GRIP1: variants seen among roughly 807,000 people sequenced by gnomAD.
GRIP1 encodes glutamate receptor-interacting protein 1.
A neutral mutation model predicts 129.9 loss-of-function variants in GRIP1; 45 were observed. That is an observed-to-expected ratio of 0.35 (90% CI 0.27 to 0.44). The LOEUF (loss-of-function observed/expected upper bound fraction) is 0.44, where lower values mean the gene tolerates loss of function less well. GRIP1 is among the 20% of genes least tolerant of loss of function. The probability of loss-of-function intolerance (pLI) is 1.00; values close to 1 mark genes in which losing one functional copy is unlikely to be tolerated. For missense variants in GRIP1, 1,196 were observed against 1,396.8 expected (o/e 0.86, Z 2.29); for synonymous variants, 530 against 520.8 (o/e 1.02, Z -0.24).
intron 7 of GRIP1, among the ~76,000 whole-genome samples, chr12:66,485,958 CTCTGT>C (rs1201691806): frequency 6.6e-6 from 1 of 151,956 alleles, no homozygotes; most frequent in Non-Finnish European, 1.5e-5. Flanking sequence ...TTTCTGGACA[CTCTGT>C]TCTGTTTGTC....
chr12:66,769,628 T>C (rs1481199009), intron 1 of GRIP1, among the ~76,000 whole-genome samples: 3 of 152,114 alleles, frequency 2.0e-5, no homozygotes, highest in Non-Finnish European at 4.4e-5. Context: ...AAAGTCTGTG[T>C]ATCCTGAGCA....
At chr12:66,822,046 TTC>T (rs1350157800) in intron 1 of GRIP1, among the ~76,000 whole-genome samples, 4 of 151,726 alleles carry the variant, frequency 2.6e-5, no homozygotes, top group Non-Finnish European at 5.9e-5. Context: ...GTATGTGTGT[TTC>T]TTTCTTTTCA....
chr12:66,543,626 C>A (rs1328076286), intron 2 of GRIP1, among the ~76,000 whole-genome samples: 2 of 152,072 alleles, frequency 1.3e-5, no homozygotes, highest in African/African-American at 4.8e-5. Flanking sequence ...AATAAACAAT[C>A]CCTCTAAACC....
At chr12:66,744,558 T>C (rs571860868) in intron 1 of GRIP1, among the ~76,000 whole-genome samples, 30 of 152,300 alleles carry the variant, frequency 2.0e-4, no homozygotes, top group African/African-American at 7.2e-4. Context: ...TAATAGTTCC[T>C]GATTGTGAAG....
chr12:66,787,728 C>T (rs533089287), intron 1 of GRIP1, among the ~76,000 whole-genome samples: 21 of 152,126 alleles, frequency 1.4e-4, no homozygotes, highest in Non-Finnish European at 2.2e-4. Context: ...TCTTGGAATG[C>T]CCAAGCTCCA....
intron 1 of GRIP1, among the ~76,000 whole-genome samples, chr12:66,966,440 C>A (rs1328323782): frequency 3.3e-5 from 5 of 152,116 alleles, no homozygotes; most frequent in Non-Finnish European, 7.4e-5. Context: ...GTTCTAAGTG[C>A]ACATTTGCTA....
intron 1 of GRIP1, among the ~76,000 whole-genome samples, chr12:66,960,120 G>T (rs1355219233): frequency 6.6e-6 from 1 of 152,144 alleles, no homozygotes; most frequent in Non-Finnish European, 1.5e-5. Flanking sequence ...AAGGATTTGG[G>T]TCCTTAACCT....
rs142110065 is a variant in GRIP1, at chr12:66,482,487, C to T, written c.725-17065G>A. Among the ~76,000 whole-genome samples the T allele has an allele frequency of 1.2e-3, 179 of 152,292 alleles. 4 individuals are homozygous for T. The South Asian group carries it at 0.018, about 16-fold the overall frequency. On this transcript the variant is annotated intron_variant, in intron 7 of 24. Coordinates refer to ENST00000359742, the MANE Select transcript of GRIP1 (RefSeq NM_001366722.1). ...TTTCTGCATCACAGAAGGGAATCTACGAATGTTAATGTTTAATTGATCATT... is the reference window on the plus strand; with the variant it reads ...TTTCTGCATCACAGAAGGGAATCTATGAATGTTAATGTTTAATTGATCATT...
In GRIP1 at chr12:66,377,269, C is replaced by G. The variant is rs1205304791; in HGVS notation, c.2638G>C (p.Asp880His). 6.2e-7 allele frequency: 1 copy of G among 1,611,188 alleles called. No homozygotes were observed. The highest frequency in any genetic ancestry group is 1.7e-5 in the Admixed American group (1 of 60,008). ...TCCTCTTGTTCTGTCTCTGCACTATCGGCAGCCCCTGCAAAACTGTTGTCA... is the reference window on the plus strand; with the variant it reads ...TCCTCTTGTTCTGTCTCTGCACTATGGGCAGCCCCTGCAAAACTGTTGTCA... ...STASGFAGAA[D>H]SAETEQEENF... The change falls in exon 21 of 25, where the codon GAT becomes CAT. Residue 880 changes from aspartate (D) to histidine (H), a missense_variant. Physicochemically the swap from Asp to His is moderately conservative, Grantham distance 81. Transcript: ENST00000359742.
At chr12:66,524,119 C>T (rs1295886369) in intron 5 of GRIP1, among the ~76,000 whole-genome samples, 24 of 152,200 alleles carry the variant, frequency 1.6e-4, no homozygotes, top group South Asian at 6.2e-4. Flanking sequence ...GACAGATCAA[C>T]GAGACAGAAA....
intron 1 of GRIP1, among the ~76,000 whole-genome samples, chr12:66,817,379 C>T (rs569548915): frequency 6.6e-6 from 1 of 152,122 alleles, no homozygotes; most frequent in South Asian, 2.1e-4. Flanking sequence ...TTGATATGTA[C>T]CATATTTGAC....
At chr12:66,397,508 C>T (rs1387015840) in intron 16 of GRIP1, among the ~76,000 whole-genome samples, 7 of 147,752 alleles carry the variant, frequency 4.7e-5, no homozygotes, top group Non-Finnish European at 8.9e-5. Flanking sequence ...GCAAGACACC[C>T]TCTAAAAAAA....
chr12:66,767,421 G>T lies in GRIP1; in HGVS notation c.-420+36632C>A, dbSNP rs118134868. ...CACTTTTATTACCAATACCCTCTTT[G>T]GTGAGATGTTTAAAGAGTTATTTCA... is the stretch of plus-strand genomic sequence containing the variant. On this transcript the variant is annotated intron_variant, in intron 1 of 4. Coordinates refer to the GRIP1 transcript ENST00000538373. Among the ~76,000 whole-genome samples the T allele has an allele frequency of 7.3e-4, 111 of 152,136 alleles. 1 individual carries two copies. The East Asian group carries it at 9.1e-3, about 12-fold the overall frequency.
chr12:66,716,965 C>A (rs1253406338), intron 1 of GRIP1, among the ~76,000 whole-genome samples: 3 of 151,994 alleles, frequency 2.0e-5, no homozygotes, highest in Non-Finnish European at 4.4e-5. Flanking sequence ...ACAGCCCAGG[C>A]AAGAAATCAA....
intron 1 of GRIP1, among the ~76,000 whole-genome samples, chr12:66,760,348 C>T (rs773650713): frequency 6.6e-5 from 10 of 152,018 alleles, no homozygotes; most frequent in South Asian, 2.1e-4. Flanking sequence ...TGTATTAGTT[C>T]GTTTTCATGC....
At chr12:66,757,628 G>T (rs917565698) in intron 1 of GRIP1, among the ~76,000 whole-genome samples, 5 of 152,162 alleles carry the variant, frequency 3.3e-5, no homozygotes, top group Non-Finnish European at 5.9e-5. Flanking sequence ...TGGATTGCTG[G>T]ACCATATGGT....
At chr12:66,377,920 AT>A (rs1426948825) in intron 20 of GRIP1, among the ~76,000 whole-genome samples, 1 of 151,496 alleles carries the variant, frequency 6.6e-6, no homozygotes, top group Non-Finnish European at 1.5e-5. Context: ...CAGCTGCTAT[AT>A]CTACAAGGAA....
chr12:66,789,502 TA>T (rs975626198), intron 1 of GRIP1, among the ~76,000 whole-genome samples: 24 of 152,294 alleles, frequency 1.6e-4, no homozygotes, highest in Non-Finnish European at 3.2e-4. Context: ...TATAGCATTG[TA>T]AAATTTTAAA....
chr12:66,777,106 A>C (rs1466882855), intron 1 of GRIP1, among the ~76,000 whole-genome samples: 1 of 152,172 alleles, frequency 6.6e-6, no homozygotes, highest in Non-Finnish European at 1.5e-5. Flanking sequence ...TGCTAATCAG[A>C]ACACAGCAGA....
Sources: allele counts gnomAD v4.1 joint callset (sites outside exome capture counted in the v4.1 genomes callset), GRCh38; gene constraint gnomAD v4.1.1; transcripts MANE v1.5; gene names NCBI Gene and HGNC (gene_info 2026-07-23, HGNC 2026-07-21).